The following ZNF521 variants were observed in gnomAD, a reference collection of about 807,000 sequenced individuals.
The protein encoded by ZNF521 is zinc finger protein 521.
ZNF521 carries 14 observed loss-of-function variants against 105.5 expected under a neutral mutation model. That is an observed-to-expected ratio of 0.13 (90% confidence interval 0.09 to 0.21). The LOEUF (loss-of-function observed/expected upper bound fraction) is 0.21. Among genes scored for constraint, ZNF521 ranks in the 10% least tolerant of loss-of-function variants. The pLI, the probability that ZNF521 is intolerant of heterozygous loss-of-function variation, is 1.00. For synonymous variants in ZNF521, 635 were observed against 606.0 expected (o/e 1.05, Z -0.70); for missense variants, 1,233 against 1,629.7 (o/e 0.76, Z 4.19).
intron 3 of ZNF521, among the ~76,000 whole-genome samples, chr18:25,315,014 T>C (rs1370609858): frequency 6.6e-6 from 1 of 152,228 alleles, no homozygotes; most frequent in Non-Finnish European, 1.5e-5. Context: ...TGTTGAGCAG[T>C]GTGATGAGAC....
At chr18:25,230,937 T>C (rs1906489443) in intron 3 of ZNF521, among the ~76,000 whole-genome samples, 1 of 152,128 alleles carries the variant, frequency 6.6e-6, no homozygotes, top group Admixed American at 6.5e-5. Context: ...ACCATTTCCA[T>C]AAAGCACATT....
chr18:25,062,643 G>A lies in ZNF521; in HGVS notation c.*69C>T, dbSNP rs993756681. 1.7e-5 allele frequency: 26 copies of A among 1,538,316 alleles called. No individual in the cohort carries two copies. Among genetic ancestry groups the A allele is most frequent in the Non-Finnish European group, 2.0e-5 (23 of 1,137,020 alleles). Reference sequence around the variant, plus strand: ...AATATACATTAACAATGAAAGTTTCGTGCAAAGAGTAAAACATGTTCCCTT... The same window carrying A: ...AATATACATTAACAATGAAAGTTTCATGCAAAGAGTAAAACATGTTCCCTT... On this transcript the variant is annotated 3_prime_UTR_variant, in exon 8 of 8. Transcript: ENST00000361524.
intron 3 of ZNF521, among the ~76,000 whole-genome samples, chr18:25,230,123 G>A (rs374159727): frequency 6.6e-6 from 1 of 152,152 alleles, no homozygotes; most frequent in African/African-American, 2.4e-5. Context: ...GGATTCAAGA[G>A]AGCAGAAACC....
At chr18:25,146,033 T>C (rs2034936877) in intron 5 of ZNF521, among the ~76,000 whole-genome samples, 1 of 152,162 alleles carries the variant, frequency 6.6e-6, no homozygotes, top group Non-Finnish European at 1.5e-5. Context: ...ATGTTTTTAA[T>C]AGATTATTTT....
chr18:25,310,831 T>C (rs1912265086), intron 3 of ZNF521, among the ~76,000 whole-genome samples: 1 of 152,184 alleles, frequency 6.6e-6, no homozygotes, highest in Admixed American at 6.5e-5. Context: ...TTGAAACGAA[T>C]GTTTCCTTAC....
chr18:25,235,793 G>A (rs928957943), intron 3 of ZNF521, among the ~76,000 whole-genome samples: 1 of 152,178 alleles, frequency 6.6e-6, no homozygotes, highest in Non-Finnish European at 1.5e-5. Flanking sequence ...GGCCACTAGA[G>A]AATACAAAAG....
intron 3 of ZNF521, among the ~76,000 whole-genome samples, chr18:25,295,837 A>C (rs1248523710): frequency 6.6e-6 from 1 of 152,204 alleles, no homozygotes; most frequent in Non-Finnish European, 1.5e-5. Flanking sequence ...GCTGAGTCAT[A>C]GAGTTTACAT....
intron 3 of ZNF521, among the ~76,000 whole-genome samples, chr18:25,284,275 C>T (rs1910557798): frequency 6.6e-6 from 1 of 152,148 alleles, no homozygotes; most frequent in South Asian, 2.1e-4. Context: ...CCACCCTTGC[C>T]CTCAAGCCCT....
chr18:25,151,427 C>T (rs1222237914), intron 5 of ZNF521, among the ~76,000 whole-genome samples: 1 of 152,152 alleles, frequency 6.6e-6, no homozygotes, highest in East Asian at 1.9e-4. Context: ...TATGTTGTTA[C>T]TATTATCACC....
chr18:25,301,526 A>G (rs1417170573), intron 3 of ZNF521, among the ~76,000 whole-genome samples: 5 of 152,246 alleles, frequency 3.3e-5, no homozygotes, highest in Non-Finnish European at 5.9e-5. Context: ...TTCCAAAAAT[A>G]CCAACAATTG....
At chr18:25,291,014 G>A (rs1363111878) in intron 3 of ZNF521, among the ~76,000 whole-genome samples, 5 of 152,066 alleles carry the variant, frequency 3.3e-5, no homozygotes, top group African/African-American at 7.2e-5. Flanking sequence ...CTGAGGAAAG[G>A]CCAGTAACGG....
chr18:25,297,454 C>T lies in ZNF521; in HGVS notation c.220+24554G>A, dbSNP rs560295432. Among the ~76,000 whole-genome samples, 105 of 152,158 alleles carry T rather than the reference C, an allele frequency of 6.9e-4. 1 individual carries two copies. The highest frequency in any genetic ancestry group is 2.1e-3 in the African/African-American group (87 of 41,522). On this transcript the variant is annotated intron_variant, in intron 3 of 7. Transcript: ENST00000361524. ...TTTCTTATTTGTGTATTTAGTCTCA[C>T]GCAGATATTAAAATAAATCATTGCC...
intron 4 of ZNF521, among the ~76,000 whole-genome samples, chr18:25,212,565 A>ATATATATATATATATATATG (rs1227568202): frequency 5.8e-4 from 65 of 112,820 alleles, no homozygotes; most frequent in East Asian, 8.2e-4. Flanking sequence ...ATATATATAT[A>ATATATATATATATATATATG]TGTATAGAAA....
intron 5 of ZNF521, among the ~76,000 whole-genome samples, chr18:25,160,579 A>G (rs914239483): frequency 2.0e-5 from 3 of 152,164 alleles, no homozygotes; most frequent in East Asian, 3.9e-4. Context: ...TTTGTTTACT[A>G]TCTTCGTTGT....
At chr18:25,285,110 T>G (rs1049232239) in intron 3 of ZNF521, among the ~76,000 whole-genome samples, 22 of 152,164 alleles carry the variant, frequency 1.4e-4, no homozygotes, top group Non-Finnish European at 7.4e-5. Context: ...ATTCTTTTAT[T>G]TCAGCAATGC....
intron 7 of ZNF521, chr18:25,082,587 G>A (rs561166484): frequency 2.3e-6 from 1 of 444,386 alleles, no homozygotes; most frequent in South Asian, 1.6e-5. Flanking sequence ...TGTAATCCTA[G>A]CACTTTGGGA....
In ZNF521 at chr18:25,280,849, CA is replaced by C. The variant is rs1388207922; in HGVS notation, c.220+41158del. Among the ~76,000 whole-genome samples, 12 of 152,244 alleles carry C rather than the reference CA, an allele frequency of 7.9e-5. No homozygotes were observed. The South Asian group carries it at 1.2e-3, about 16-fold the overall frequency. On this transcript the variant is annotated intron_variant, in intron 3 of 7. Transcript: ENST00000361524. ...AAATGTATTCACATCAAAGATTGAT[CA>C]AGGATAATATATATTAATATAAACC...
At chr18:25,327,736 G>A in intron 2 of ZNF521, 1 of 515,628 alleles carries the variant, frequency 1.9e-6, no homozygotes, top group South Asian at 1.4e-5. Context: ...ATCGCACACT[G>A]TTATAAAATG....
intron 4 of ZNF521, among the ~76,000 whole-genome samples, chr18:25,215,481 C>G (rs1397264765): frequency 9.2e-5 from 14 of 152,142 alleles, no homozygotes; most frequent in Non-Finnish European, 1.0e-4. Flanking sequence ...TTACTAATCT[C>G]CATCTTGACA....
Sources: allele counts gnomAD v4.1 joint callset (sites outside exome capture counted in the v4.1 genomes callset), GRCh38; gene constraint gnomAD v4.1.1; transcripts MANE v1.5; gene names NCBI Gene and HGNC (gene_info 2026-07-23, HGNC 2026-07-21).